Variants in MUC7 observed in about 807,000 individuals in gnomAD.
The protein encoded by MUC7 is mucin 7, secreted, also known as mucin-7.
MUC7 carries 2 observed loss-of-function variants against 2.5 expected under a neutral mutation model. The ratio of observed to expected loss-of-function variants is 0.81; its 90% CI spans 0.33 to 2.55. The LOEUF (loss-of-function observed/expected upper bound fraction) is 2.55, where lower values mean the gene tolerates loss of function less well. Among genes scored for constraint, MUC7 ranks in the 30% most tolerant of loss-of-function variants. MUC7 has a pLI of 0.11. For missense variants in MUC7, 408 were observed against 455.6 expected, an observed-to-expected ratio of 0.90 and a Z score of 0.95; for synonymous variants, 133 against 173.4, an observed-to-expected ratio of 0.77 and a Z score of 1.83.
At chr4:70,473,934 A>T in intron 1 of MUC7, 73 bp from the exon 2 acceptor site, 2 of 1,066,588 alleles carry the variant, frequency 1.9e-6, no homozygotes, top group Non-Finnish European at 2.8e-6. Flanking sequence ...AATAAAAATA[A>T]GTTATTTACC....
rs1228060823 is a variant in MUC7, at chr4:70,482,058, C to G, written c.*180C>G. 9 of 767,198 alleles carry G rather than the reference C, an allele frequency of 1.2e-5. No individual in the cohort carries two copies. Among genetic ancestry groups the G allele is most frequent in the Non-Finnish European group, 1.8e-5 (9 of 496,110 alleles). The allele number at this position is 767,198 out of a possible 1,614,324, so 47.5% of individuals were successfully genotyped here. A position where few individuals can be genotyped will look rare whatever the true frequency, so the allele number is the denominator to read the frequency against. On this transcript the variant is annotated 3_prime_UTR_variant, in exon 3 of 3. Transcript: ENST00000304887. ...CAAGACCTATTAACAAGACAAAATGCCTCTATCCCACAAGCCAGATGCAGG... is the reference window on the plus strand; with the variant it reads ...CAAGACCTATTAACAAGACAAAATGGCTCTATCCCACAAGCCAGATGCAGG...
intron 1 of MUC7, among the ~76,000 whole-genome samples, chr4:70,432,503 A>C (rs898404340): frequency 2.4e-4 from 37 of 152,288 alleles, no homozygotes; most frequent in African/African-American, 8.7e-4. Context: ...GCCAGTGATG[A>C]TGAGCATTTT....
intron 1 of MUC7, among the ~76,000 whole-genome samples, chr4:70,455,330 A>G (rs568189936): frequency 4.6e-5 from 7 of 152,294 alleles, no homozygotes; most frequent in African/African-American, 1.7e-4. Flanking sequence ...TATGAGTTTT[A>G]TCATATTTTA....
At chr4:70,448,301 C>G (rs1281229560) in intron 1 of MUC7, among the ~76,000 whole-genome samples, 1 of 152,078 alleles carries the variant, frequency 6.6e-6, no homozygotes, top group Non-Finnish European at 1.5e-5. Context: ...GGGTATACAC[C>G]TAGCAGTGGA....
At chr4:70,454,704 A>G (rs1035519914) in intron 1 of MUC7, among the ~76,000 whole-genome samples, 20 of 151,874 alleles carry the variant, frequency 1.3e-4, no homozygotes, top group African/African-American at 4.8e-4. Flanking sequence ...GTTGTGGGGG[A>G]CTATCAGTGG....
At chr4:70,479,535 C>T (rs868846417) in intron 2 of MUC7, among the ~76,000 whole-genome samples, 15 of 152,288 alleles carry the variant, frequency 9.8e-5, no homozygotes, top group African/African-American at 3.6e-4. Flanking sequence ...GAAAACGTAA[C>T]CTATCCTTGT....
At chr4:70,478,014 T>C (rs1356010308) in intron 2 of MUC7, among the ~76,000 whole-genome samples, 1 of 151,914 alleles carries the variant, frequency 6.6e-6, no homozygotes, top group Non-Finnish European at 1.5e-5. Flanking sequence ...TAAATCCAAC[T>C]CTAGTCTACA....
At chr4:70,465,673 T>C (rs920782214) in intron 1 of MUC7, among the ~76,000 whole-genome samples, 2 of 151,680 alleles carry the variant, frequency 1.3e-5, no homozygotes, top group African/African-American at 4.8e-5. Flanking sequence ...CTTAATGAAA[T>C]AAAGCATGAA....
At chr4:70,476,518 GA>G (rs745896127) in intron 2 of MUC7, among the ~76,000 whole-genome samples, 23 of 152,348 alleles carry the variant, frequency 1.5e-4, no homozygotes, top group Non-Finnish European at 2.8e-4. Flanking sequence ...ACTTGAATAT[GA>G]GAAGGTAGCA....
rs751882688 is a variant in MUC7, at chr4:70,438,429, A to AGTTTTGTTTTGTTTTGTTTT, written c.-93+7754_-93+7773dup. On this transcript the variant is annotated intron_variant, in intron 1 of 3. Transcript: ENST00000413702. ...GAAAACTTAACACTTCAGGAAATGA[A>AGTTTTGTTTTGTTTTGTTTT]GTTTTGTTTTGTTTTGTTTTGTTTT... Among the ~76,000 whole-genome samples the AGTTTTGTTTTGTTTTGTTTT allele has an allele frequency of 8.9e-3, 1,111 of 124,792 alleles. 13 individuals carry two copies. The highest frequency in any genetic ancestry group is 0.028 in the African/African-American group (1,042 of 37,334). The allele number at this position is 124,792 out of a possible 152,430, so 81.9% of individuals were successfully genotyped here. A position where few individuals can be genotyped will look rare whatever the true frequency, so the allele number is the denominator to read the frequency against.
chr4:70,461,129 G>A (rs920380882), intron 1 of MUC7, among the ~76,000 whole-genome samples: 20 of 152,140 alleles, frequency 1.3e-4, no homozygotes, highest in African/African-American at 2.9e-4. Flanking sequence ...TTCTTTCTCC[G>A]TCTGCACCTT....
rs1733636072 is a variant in MUC7 at position 70,430,669 on chromosome 4, AG to A, written c.-109del. ...TGACAAGTAGTTTGACCAGACTTGG[AG>A]GAAGGATTCCTTCAAAGGTAGGTAC... is the stretch of plus-strand genomic sequence containing the variant. On this transcript the variant is annotated 5_prime_UTR_variant, in exon 1 of 4. Coordinates refer to the MUC7 transcript ENST00000413702. 2 of 152,156 alleles carry A rather than the reference AG, an allele frequency of 1.3e-5. 1 individual carries two copies. Among genetic ancestry groups the A allele is most frequent in the Admixed American group, 1.3e-4 (2 of 15,262 alleles). The allele number at this position is 152,156 out of a possible 1,614,324, so 9.4% of individuals were successfully genotyped here.
At position 70,481,752 on chromosome 4, in the gene MUC7, G is replaced by A. The variant is rs772729062; in HGVS notation, c.1008G>A (p.Ser336=). 69 of 1,613,958 alleles carry A rather than the reference G, an allele frequency of 4.3e-5. No individual in the cohort carries two copies. Among genetic ancestry groups the A allele is most frequent in the Middle Eastern group, 1.6e-4 (1 of 6,082 alleles). ...CACCCACACACCAGACTACTACTTCGGTCACTACTCAAACTACTACTACTA... is the reference window on the plus strand; with the variant it reads ...CACCCACACACCAGACTACTACTTCAGTCACTACTCAAACTACTACTACTA... ...SAAPTHQTTT[S]VTTQTTTTKQ... is the part of the protein sequence containing the mutation. Residue 336 remains serine, a synonymous_variant, in exon 3 of 3, where the codon TCG becomes TCA. Transcript: ENST00000304887.
chr4:70,469,522 A>G (rs1009266130), upstream of MUC7, among the ~76,000 whole-genome samples: 3 of 152,378 alleles, frequency 2.0e-5, no homozygotes, highest in Non-Finnish European at 4.4e-5. Context: ...ACAAAAGGCT[A>G]ATATCCAGAA....
At chr4:70,468,560 A>C (rs573327893), upstream of MUC7, among the ~76,000 whole-genome samples, 2 of 152,342 alleles carry the variant, frequency 1.3e-5, no homozygotes, top group East Asian at 3.9e-4. Flanking sequence ...ACTTCAGCAA[A>C]GTCTCAGGCT....
At chr4:70,476,461 G>A (rs1038664627) in intron 2 of MUC7, among the ~76,000 whole-genome samples, 3 of 152,128 alleles carry the variant, frequency 2.0e-5, no homozygotes, top group Admixed American at 1.3e-4. Flanking sequence ...TCTTCAAGCT[G>A]CCCAAATCTC....
At chr4:70,453,848 G>A (rs1263002652) in intron 1 of MUC7, among the ~76,000 whole-genome samples, 1 of 152,056 alleles carries the variant, frequency 6.6e-6, no homozygotes, top group African/African-American at 2.4e-5. Flanking sequence ...GGGCTCTTTA[G>A]TTAGCAGGTG....
chr4:70,461,634 C>T (rs146201989), intron 1 of MUC7, among the ~76,000 whole-genome samples: 16 of 152,264 alleles, frequency 1.1e-4, no homozygotes, highest in East Asian at 3.9e-4. Flanking sequence ...AGACCTAAAA[C>T]TTCAGAGGCA....
intron 1 of MUC7, among the ~76,000 whole-genome samples, chr4:70,453,443 A>G (rs1457766736): frequency 1.3e-5 from 2 of 152,114 alleles, no homozygotes; most frequent in African/African-American, 4.8e-5. Context: ...TTGCCTGACT[A>G]CTGCTGATGT....
Sources: gnomAD v4.1 joint callset for allele counts (sites outside exome capture counted in the v4.1 genomes callset) on GRCh38, gnomAD v4.1.1 for gene constraint, MANE v1.5 for transcripts, NCBI Gene and HGNC (gene_info 2026-07-23, HGNC 2026-07-21) for gene names.